RSPO2: variants seen among roughly 807,000 people sequenced by gnomAD.
RSPO2 encodes R-spondin-2.
A neutral mutation model predicts 30.9 loss-of-function variants in RSPO2; 14 were observed. The observed-to-expected ratio is 0.45, with a 90% confidence interval of 0.30 to 0.71. The LOEUF is 0.71. Among genes scored for constraint, RSPO2 ranks in the 30% least tolerant of loss-of-function variants. The pLI, the probability that RSPO2 is intolerant of heterozygous loss-of-function variation, is 0.08. For synonymous variants in RSPO2, 107 were observed against 96.4 expected, an observed-to-expected ratio of 1.11 and a Z score of -0.64; for missense variants, 264 against 301.9, an observed-to-expected ratio of 0.87 and a Z score of 0.93.
chr8:108,067,776 G>C (rs1426444899), intron 2 of RSPO2, among the ~76,000 whole-genome samples: 3 of 152,140 alleles, frequency 2.0e-5, no homozygotes, highest in Non-Finnish European at 4.4e-5. Flanking sequence ...GCTCTTAGAG[G>C]ACAGCTAACT....
intron 2 of RSPO2, among the ~76,000 whole-genome samples, chr8:108,053,025 G>T (rs1451545735): frequency 2.0e-5 from 3 of 152,088 alleles, no homozygotes; most frequent in African/African-American, 7.2e-5. Flanking sequence ...CCTAGGTAGG[G>T]TATTATTTTA....
At chr8:107,941,280 G>A (rs1288287242) in intron 5 of RSPO2, among the ~76,000 whole-genome samples, 2 of 152,054 alleles carry the variant, frequency 1.3e-5, no homozygotes. Flanking sequence ...TCTTCATTTA[G>A]AAATTATCTC....
rs1811372720 is a variant in RSPO2, at chr8:107,899,490, G to C, written c.*1585C>G. The C allele has an allele frequency of 6.6e-6, 1 of 152,504 alleles. No homozygotes were observed. The highest frequency in any genetic ancestry group is 1.5e-5 in the Non-Finnish European group (1 of 68,022). 9.4% of individuals were successfully genotyped at this position (152,504 alleles called of 1,614,324 possible). A position where few individuals can be genotyped will look rare whatever the true frequency, so the allele number is the denominator to read the frequency against. On this transcript the variant is annotated 3_prime_UTR_variant, in exon 6 of 6. Coordinates refer to ENST00000276659, the MANE Select transcript of RSPO2 (RefSeq NM_178565.5). ...AGGATTAAATGTAAACCCTAAAGTT[G>C]TATACAACATTCATATGTGGCTTAT...
At chr8:107,992,896 G>A (rs1364795857) in intron 2 of RSPO2, among the ~76,000 whole-genome samples, 1 of 151,846 alleles carries the variant, frequency 6.6e-6, no homozygotes. Flanking sequence ...TTTAGCCAAA[G>A]TAAAGGCAAA....
intron 5 of RSPO2, among the ~76,000 whole-genome samples, chr8:107,929,507 A>C (rs776042912): frequency 1.3e-5 from 2 of 152,172 alleles, no homozygotes; most frequent in Non-Finnish European, 2.9e-5. Flanking sequence ...AAGCAAGCAA[A>C]TAATATGCAC....
At chr8:107,912,254 A>T (rs954895426) in intron 5 of RSPO2, among the ~76,000 whole-genome samples, 1 of 152,218 alleles carries the variant, frequency 6.6e-6, no homozygotes, top group Non-Finnish European at 1.5e-5. Context: ...GCCATGCACC[A>T]ACTCCTGAAA....
At chr8:108,012,968 C>T in intron 2 of RSPO2, among the ~76,000 whole-genome samples, 1 of 152,166 alleles carries the variant, frequency 6.6e-6, no homozygotes, top group East Asian at 1.9e-4. Context: ...TTGGATCAGG[C>T]TCCCAATTCT....
chr8:107,990,017 G>T (rs1814794499), intron 2 of RSPO2, among the ~76,000 whole-genome samples: 1 of 151,942 alleles, frequency 6.6e-6, no homozygotes, highest in African/African-American at 2.4e-5. Flanking sequence ...CAGAAATAAG[G>T]ACATTCTAAA....
chr8:108,021,939 TA>T (rs529619792), intron 2 of RSPO2, among the ~76,000 whole-genome samples: 150 of 151,840 alleles, frequency 9.9e-4, no homozygotes, highest in Non-Finnish European at 1.7e-3. Flanking sequence ...ACTTAAAATA[TA>T]AAAAAAAGAA....
At chr8:108,041,146 C>T (rs1339414870) in intron 2 of RSPO2, among the ~76,000 whole-genome samples, 2 of 78,746 alleles carry the variant, frequency 2.5e-5, no homozygotes, top group Non-Finnish European at 5.0e-5. Flanking sequence ...GAAATGTGAA[C>T]AAAAATCAGG....
At chr8:108,062,322 C>G (rs528727314) in intron 2 of RSPO2, among the ~76,000 whole-genome samples, 1 of 151,820 alleles carries the variant, frequency 6.6e-6, no homozygotes, top group South Asian at 2.1e-4. Flanking sequence ...AGAGAAGAAT[C>G]AAATAGATGC....
At chr8:108,062,259 G>T (rs1351448588) in intron 2 of RSPO2, among the ~76,000 whole-genome samples, 1 of 151,662 alleles carries the variant, frequency 6.6e-6, no homozygotes, top group Non-Finnish European at 1.5e-5. Context: ...CTGGTTTTTT[G>T]AAAAGATCAA....
intron 3 of RSPO2, among the ~76,000 whole-genome samples, chr8:107,978,840 A>T (rs1254625917): frequency 1.3e-5 from 2 of 152,356 alleles, no homozygotes; most frequent in East Asian, 3.9e-4. Context: ...ACCAGAAAAA[A>T]ACAAACAACC....
At chr8:107,986,061 T>C (rs1814616602) in intron 3 of RSPO2, among the ~76,000 whole-genome samples, 1 of 152,198 alleles carries the variant, frequency 6.6e-6, no homozygotes, top group South Asian at 2.1e-4. Context: ...TTTTCTTCTC[T>C]ACTATTGAGC....
intron 5 of RSPO2, among the ~76,000 whole-genome samples, chr8:107,909,809 A>C (rs1439738440): frequency 6.6e-6 from 1 of 152,194 alleles, no homozygotes; most frequent in Non-Finnish European, 1.5e-5. Context: ...CATTTTAGCA[A>C]GATGCAGGCT....
At chr8:107,910,512 G>A (rs947038879) in intron 5 of RSPO2, among the ~76,000 whole-genome samples, 3 of 152,140 alleles carry the variant, frequency 2.0e-5, no homozygotes, top group African/African-American at 7.2e-5. Flanking sequence ...CAGCCTGGGT[G>A]ACAAAGCAAT....
At chr8:108,011,164 G>GAAAAGA (rs545730752) in intron 2 of RSPO2, among the ~76,000 whole-genome samples, 1 of 111,750 alleles carries the variant, frequency 8.9e-6, no homozygotes, top group East Asian at 2.4e-4. Flanking sequence ...AAGAAAGAAA[G>GAAAAGA]AAAAGAAAAA....
chr8:108,064,787 T>C (rs1311000825), intron 2 of RSPO2, among the ~76,000 whole-genome samples: 2 of 152,158 alleles, frequency 1.3e-5, no homozygotes, highest in Non-Finnish European at 2.9e-5. Context: ...TGTCCAACAA[T>C]GATAGACTGG....
At chr8:108,023,405 A>T (rs1337133181) in intron 2 of RSPO2, among the ~76,000 whole-genome samples, 2 of 152,162 alleles carry the variant, frequency 1.3e-5, no homozygotes, top group Non-Finnish European at 2.9e-5. Flanking sequence ...GGAACAAGAG[A>T]GTCTTTGTCA....
Sources: gnomAD v4.1 joint callset for allele counts (sites outside exome capture counted in the v4.1 genomes callset) on GRCh38, gnomAD v4.1.1 for gene constraint, MANE v1.5 for transcripts, NCBI Gene and HGNC (gene_info 2026-07-23, HGNC 2026-07-21) for gene names.